The following ZNF521 variants were observed in gnomAD, a reference collection of about 807,000 sequenced individuals.
ZNF521 encodes LYST-interacting protein 3.
ZNF521 carries 14 observed loss-of-function variants against 105.5 expected under a neutral mutation model. The ratio of observed to expected loss-of-function variants is 0.13; its 90% CI spans 0.09 to 0.21. The LOEUF is 0.21. Ranked by LOEUF, ZNF521 falls within the 10% of genes least tolerant of loss-of-function variation. The probability of loss-of-function intolerance (pLI) is 1.00; values close to 1 mark genes in which losing one functional copy is unlikely to be tolerated. For missense variants in ZNF521, 1,233 were observed against 1,629.7 expected (o/e 0.76, Z 4.19); for synonymous variants, 635 against 606.0 (o/e 1.05, Z -0.70).
At chr18:25,278,118 A>T (rs780122278) in intron 3 of ZNF521, among the ~76,000 whole-genome samples, 59 of 152,202 alleles carry the variant, frequency 3.9e-4, no homozygotes, top group Non-Finnish European at 7.6e-4. Context: ...GCCACAGCAA[A>T]ATATGACAGC....
At chr18:25,086,420 T>C (rs1008093463) in intron 7 of ZNF521, among the ~76,000 whole-genome samples, 4 of 152,050 alleles carry the variant, frequency 2.6e-5, no homozygotes, top group African/African-American at 7.2e-5. Flanking sequence ...AGTTAAAATA[T>C]AAAAATAAAA....
intron 5 of ZNF521, among the ~76,000 whole-genome samples, chr18:25,175,475 A>T (rs1350028647): frequency 6.6e-6 from 1 of 152,208 alleles, no homozygotes; most frequent in African/African-American, 2.4e-5. Flanking sequence ...TATATGACTG[A>T]TGCATGGAGC....
intron 3 of ZNF521, among the ~76,000 whole-genome samples, chr18:25,228,227 T>C (rs1906303378): frequency 6.6e-6 from 1 of 152,224 alleles, no homozygotes; most frequent in African/African-American, 2.4e-5. Flanking sequence ...CAAAATCTGT[T>C]ACGGGGTTCT....
At chr18:25,328,367 G>A (rs887495678) in intron 2 of ZNF521, among the ~76,000 whole-genome samples, 3 of 150,342 alleles carry the variant, frequency 2.0e-5, no homozygotes, top group Non-Finnish European at 4.4e-5. Flanking sequence ...GAAGGAGGAC[G>A]CTGAATGGGA....
At position 25,330,417 on chromosome 18, in the gene ZNF521, G is replaced by T. The variant is rs1453206553; in HGVS notation, c.41-8230C>A. On this transcript the variant is annotated intron_variant, in intron 2 of 7. Transcript: ENST00000361524. ...TTGACCTCATGATCCACCCGCCTCA[G>T]CTGCCCAAAGTGCTGGGATTACAGG... 2.0e-5 allele frequency among the ~76,000 whole-genome samples: 3 copies of T among 152,092 alleles called. No homozygotes were observed. The East Asian group carries it at 5.8e-4, about 29-fold the overall frequency.
intron 2 of ZNF521, among the ~76,000 whole-genome samples, chr18:25,343,641 T>C (rs1484679198): frequency 6.6e-6 from 1 of 152,198 alleles, no homozygotes; most frequent in East Asian, 1.9e-4. Context: ...ATAGTATATA[T>C]GCTTTCCAAA....
chr18:25,112,417 C>T (rs570603738), intron 5 of ZNF521, among the ~76,000 whole-genome samples: 1 of 152,260 alleles, frequency 6.6e-6, no homozygotes, highest in South Asian at 2.1e-4. Context: ...CACTCAAATT[C>T]ACCATTTATA....
At chr18:25,222,974 T>C (rs1326416936) in intron 4 of ZNF521, among the ~76,000 whole-genome samples, 2 of 152,198 alleles carry the variant, frequency 1.3e-5, no homozygotes, top group African/African-American at 4.8e-5. Flanking sequence ...AAAATATTCT[T>C]ATCTGGAGGA....
chr18:25,114,686 C>A (rs951086472), intron 5 of ZNF521, among the ~76,000 whole-genome samples: 1 of 152,314 alleles, frequency 6.6e-6, no homozygotes, highest in East Asian at 1.9e-4. Context: ...ACCTACCACA[C>A]AAATACTCAC....
At chr18:25,063,208 A>G (rs2032956845) in intron 7 of ZNF521, among the ~76,000 whole-genome samples, 1 of 152,200 alleles carries the variant, frequency 6.6e-6, no homozygotes, top group Non-Finnish European at 1.5e-5. Flanking sequence ...CATTGGTTAC[A>G]TATGCCTCTG....
chr18:25,114,853 C>G (rs2034271892), intron 5 of ZNF521, among the ~76,000 whole-genome samples: 1 of 152,274 alleles, frequency 6.6e-6, no homozygotes. Flanking sequence ...TTCAGAAATG[C>G]CTCAAGGATG....
chr18:25,233,292 C>G (rs1391724524), intron 3 of ZNF521, among the ~76,000 whole-genome samples: 1 of 151,822 alleles, frequency 6.6e-6, no homozygotes, highest in Non-Finnish European at 1.5e-5. Context: ...ATAGAAATGT[C>G]AACAGTTTTA....
At chr18:25,234,685 C>G (rs935118531) in intron 3 of ZNF521, among the ~76,000 whole-genome samples, 7 of 151,896 alleles carry the variant, frequency 4.6e-5, no homozygotes, top group Non-Finnish European at 8.8e-5. Context: ...GCTATGAAAG[C>G]CAAAGTTACC....
chr18:25,324,694 C>T (rs925085597), intron 2 of ZNF521, among the ~76,000 whole-genome samples: 1 of 152,142 alleles, frequency 6.6e-6, no homozygotes, highest in Non-Finnish European at 1.5e-5. Context: ...GTTTGCAGAC[C>T]TGTTTGTTTT....
chr18:25,158,183 G>A (rs1236999426), intron 5 of ZNF521, among the ~76,000 whole-genome samples: 1 of 152,090 alleles, frequency 6.6e-6, no homozygotes, highest in African/African-American at 2.4e-5. Context: ...AAAGGGATAG[G>A]TGTATTATGT....
intron 4 of ZNF521, among the ~76,000 whole-genome samples, chr18:25,198,542 G>C (rs559221428): frequency 6.6e-6 from 1 of 151,474 alleles, no homozygotes; most frequent in Non-Finnish European, 1.5e-5. Flanking sequence ...AAATCAAACT[G>C]CTTTGATTTC....
chr18:25,118,109 T>C (rs373289705), intron 5 of ZNF521, among the ~76,000 whole-genome samples: 211 of 152,154 alleles, frequency 1.4e-3, no homozygotes, highest in African/African-American at 4.8e-3. Flanking sequence ...CTAGAGTCAA[T>C]AGATCTCAGA....
chr18:25,304,132 A>G (rs1911831499), intron 3 of ZNF521, among the ~76,000 whole-genome samples: 1 of 152,222 alleles, frequency 6.6e-6, no homozygotes, highest in South Asian at 2.1e-4. Flanking sequence ...GGTTCATAGC[A>G]TAGTAAGAAT....
chr18:25,147,153 A>G (rs1461614245), intron 5 of ZNF521, among the ~76,000 whole-genome samples: 1 of 152,162 alleles, frequency 6.6e-6, no homozygotes, highest in African/African-American at 2.4e-5. Flanking sequence ...AAAGACAATG[A>G]TCAAAAACAA....
Sources: gnomAD v4.1 joint callset for allele counts (sites outside exome capture counted in the v4.1 genomes callset) on GRCh38, gnomAD v4.1.1 for gene constraint, MANE v1.5 for transcripts, NCBI Gene and HGNC (gene_info 2026-07-23, HGNC 2026-07-21) for gene names.